Variants in LACTB2 observed in about 807,000 individuals in gnomAD.
The protein encoded by LACTB2 is endoribonuclease LACTB2.
In LACTB2, 32 loss-of-function variants were observed where a neutral mutation model predicts 34.8. That is an observed-to-expected ratio of 0.92 (90% CI 0.69 to 1.24). The LOEUF is 1.24. Among genes scored for constraint, LACTB2 ranks in the 50% most tolerant of loss-of-function variants. The probability of loss-of-function intolerance (pLI) is 0.00; values close to 1 mark genes in which losing one functional copy is unlikely to be tolerated. For missense variants in LACTB2, 320 were observed against 345.0 expected, an observed-to-expected ratio of 0.93 and a Z score of 0.57; for synonymous variants, 120 against 117.5, an observed-to-expected ratio of 1.02 and a Z score of -0.14.
At chr8:70,643,964 A>T (rs1818231659) in intron 4 of LACTB2, 101 bp downstream of exon 4, 1 of 1,220,328 alleles carries the variant, frequency 8.2e-7, no homozygotes, top group Non-Finnish European at 1.1e-6. Flanking sequence ...AGGTGGGAGG[A>T]CTGCTTGAGG....
At chr8:70,650,550 C>T (rs771078392) in intron 3 of LACTB2, among the ~76,000 whole-genome samples, 77 of 151,868 alleles carry the variant, frequency 5.1e-4, no homozygotes, top group Admixed American at 9.2e-4. Context: ...GCCAACATGG[C>T]GAAACCCTGT....
intron 3 of LACTB2, among the ~76,000 whole-genome samples, chr8:70,649,363 A>C (rs993757990): frequency 1.3e-5 from 2 of 152,200 alleles, no homozygotes; most frequent in African/African-American, 4.8e-5. Flanking sequence ...CAGAAGATTA[A>C]ATTGAGAGAA....
At position 70,669,033 on chromosome 8, in the gene LACTB2, C is replaced by T. The variant is rs749034425; in HGVS notation, c.88G>A (p.Gly30Ser). ...GCNPGPMTLQ[G>S]TNTYLVGTGP... ...GTCCCCACTAGGTAGGTGTTGGTGC[C>T]TTGGAGGGTCATGGGACCCGGGTTA... is the stretch of plus-strand genomic sequence containing the variant. Residue 30 changes from glycine (G) to serine (S), a missense_variant, in exon 1 of 7, where the codon GGC (glycine) becomes AGC (serine). Coordinates refer to ENST00000276590, the MANE Select transcript of LACTB2 (RefSeq NM_016027.3). 1.9e-6 allele frequency: 3 copies of T among 1,606,546 alleles called. No homozygotes were observed. Among genetic ancestry groups the T allele is most frequent in the African/African-American group, 2.7e-5 (2 of 74,850 alleles).
At chr8:70,663,830 C>T (rs888765522) in intron 1 of LACTB2, among the ~76,000 whole-genome samples, 5 of 152,030 alleles carry the variant, frequency 3.3e-5, no homozygotes, top group Non-Finnish European at 7.4e-5. Context: ...TATGTATTTA[C>T]ATATTTATTT....
chr8:70,652,509 A>C (rs1164790899), intron 3 of LACTB2: 1 of 152,200 alleles, frequency 6.6e-6, no homozygotes, highest in Non-Finnish European at 1.5e-5. Context: ...TCTTTTTGTC[A>C]GTTTTCCCCT....
At chr8:70,651,962 G>C (rs1248153657) in intron 3 of LACTB2, 5 of 152,128 alleles carry the variant, frequency 3.3e-5, no homozygotes, top group Non-Finnish European at 1.5e-5. Flanking sequence ...CTCTCTTAGA[G>C]AATTCAAGAC....
At chr8:70,655,510 C>G (rs893318091) in intron 3 of LACTB2, among the ~76,000 whole-genome samples, 3 of 152,150 alleles carry the variant, frequency 2.0e-5, no homozygotes, top group African/African-American at 7.2e-5. Flanking sequence ...GTGTGAGCCA[C>G]CATGCCTGGC....
intron 3 of LACTB2, among the ~76,000 whole-genome samples, chr8:70,647,548 C>T (rs1434757453): frequency 1.3e-5 from 2 of 152,180 alleles, no homozygotes; most frequent in African/African-American, 2.4e-5. Context: ...CCGCTGTACC[C>T]AGCCATGTTT....
At chr8:70,658,415 A>G (rs1375625893) in intron 2 of LACTB2, among the ~76,000 whole-genome samples, 1 of 152,190 alleles carries the variant, frequency 6.6e-6, no homozygotes, top group African/African-American at 2.4e-5. Context: ...AAGAAAATAA[A>G]TTAATTAACC....
At chr8:70,664,198 A>G (rs1818512832) in intron 1 of LACTB2, among the ~76,000 whole-genome samples, 1 of 152,148 alleles carries the variant, frequency 6.6e-6, no homozygotes, top group African/African-American at 2.4e-5. Context: ...GTAAGGCTCA[A>G]ATTTTTTCAA....
At chr8:70,648,684 T>TG (rs1220687948) in intron 3 of LACTB2, among the ~76,000 whole-genome samples, 4 of 151,596 alleles carry the variant, frequency 2.6e-5, no homozygotes, top group Middle Eastern at 3.4e-3. Flanking sequence ...TCAAGAAAAA[T>TG]TTTTGGAACT....
At chr8:70,660,387 T>C (rs923101823) in intron 2 of LACTB2, 4 of 357,046 alleles carry the variant, frequency 1.1e-5, no homozygotes, top group East Asian at 7.4e-5. Flanking sequence ...ACAGTCCCCT[T>C]AGATTGGAAG....
chr8:70,658,096 T>C (rs1818434863), intron 2 of LACTB2, among the ~76,000 whole-genome samples: 1 of 152,176 alleles, frequency 6.6e-6, no homozygotes, highest in East Asian at 1.9e-4. Flanking sequence ...CATGCCCCTC[T>C]AGGTCTACAT....
At chr8:70,645,032 TTA>T (rs1441182341) in intron 3 of LACTB2, among the ~76,000 whole-genome samples, 3 of 151,336 alleles carry the variant, frequency 2.0e-5, no homozygotes, top group Non-Finnish European at 4.4e-5. Flanking sequence ...TCCTACATCA[TTA>T]TATGTTTACA....
At chr8:70,640,422 A>G (rs1002292770) in intron 5 of LACTB2, among the ~76,000 whole-genome samples, 5 of 151,726 alleles carry the variant, frequency 3.3e-5, no homozygotes, top group Admixed American at 2.6e-4. Flanking sequence ...CCTACATACT[A>G]TTTTACTCAT....
intron 2 of LACTB2, among the ~76,000 whole-genome samples, chr8:70,659,765 T>A (rs1358026619): frequency 6.6e-6 from 1 of 152,238 alleles, no homozygotes; most frequent in Non-Finnish European, 1.5e-5. Flanking sequence ...TTTGTATCTG[T>A]CTTCAAAATT....
chr8:70,659,479 G>A (rs1818456017), intron 2 of LACTB2, among the ~76,000 whole-genome samples: 1 of 152,132 alleles, frequency 6.6e-6, no homozygotes, highest in Non-Finnish European at 1.5e-5. Context: ...GAAATAAAAA[G>A]AAACAACAAC....
intron 2 of LACTB2, chr8:70,660,953 C>T (rs1039907346): frequency 6.6e-5 from 30 of 455,196 alleles, no homozygotes; most frequent in Non-Finnish European, 1.1e-4. Flanking sequence ...AATTTTTGTA[C>T]TTTTTTTGTA....
chr8:70,661,510 A>G (rs1586790114), intron 2 of LACTB2: 1 of 432,022 alleles, frequency 2.3e-6, no homozygotes, highest in Non-Finnish European at 4.2e-6. Flanking sequence ...ATAGTAACTC[A>G]CACACTAAAG....
Sources: gnomAD v4.1 joint callset for allele counts (sites outside exome capture counted in the v4.1 genomes callset) on GRCh38, gnomAD v4.1.1 for gene constraint, MANE v1.5 for transcripts, NCBI Gene and HGNC (gene_info 2026-07-23, HGNC 2026-07-21) for gene names.